SLC4A8: variants seen among roughly 807,000 people sequenced by gnomAD.
SLC4A8 encodes the protein electroneutral sodium bicarbonate exchanger 1.
In SLC4A8, 40 loss-of-function variants were observed where a neutral mutation model predicts 125.0. The observed-to-expected ratio is 0.32, with a 90% CI of 0.25 to 0.42. The LOEUF (loss-of-function observed/expected upper bound fraction) is 0.42, where lower values mean the gene tolerates loss of function less well. Among genes scored for constraint, SLC4A8 ranks in the 10% least tolerant of loss-of-function variants. The pLI, the probability that SLC4A8 is intolerant of heterozygous loss-of-function variation, is 1.00. For missense variants in SLC4A8, 863 were observed against 1,355.1 expected (o/e 0.64, Z 5.70); for synonymous variants, 456 against 476.0 (o/e 0.96, Z 0.55).
intron 16 of SLC4A8, among the ~76,000 whole-genome samples, chr12:51,483,676 T>G (rs1951088782): frequency 6.6e-6 from 1 of 152,210 alleles, no homozygotes; most frequent in Non-Finnish European, 1.5e-5. Context: ...AAGTGATATT[T>G]TGTTCTCAAA....
intron 1 of SLC4A8, among the ~76,000 whole-genome samples, chr12:51,429,906 A>T (rs1401708177): frequency 6.6e-6 from 1 of 151,834 alleles, no homozygotes; most frequent in Non-Finnish European, 1.5e-5. Flanking sequence ...TTTGGATTGG[A>T]ACTGGGGACA....
At chr12:51,420,057 C>T (rs1314564728), upstream of SLC4A8, 2 of 152,192 alleles carry the variant, frequency 1.3e-5, no homozygotes, top group East Asian at 1.9e-4. Flanking sequence ...CCTGCATAAC[C>T]TTTTCAGCTT....
At position 51,470,505 on chromosome 12, in the gene SLC4A8, G is replaced by GTA; in HGVS notation, c.1638_1639insTA (p.Ile547Ter). 1 of 1,613,570 alleles carries GTA rather than the reference G, an allele frequency of 6.2e-7. No individual in the cohort carries two copies. Among genetic ancestry groups the GTA allele is most frequent in the Non-Finnish European group, 8.5e-7 (1 of 1,179,650 alleles). On this transcript the variant is annotated frameshift_variant, in exon 13 of 25. Transcript: ENST00000453097. LOFTEE classifies it high-confidence loss of function. The stretch of plus-strand genomic sequence containing the variant: ...CTGGACCAGTGCTTGTGTTTGAAAA[G>GTA]ATTTTGTTCAAATTCTGCAAGTAAG...
chr12:51,486,012 A>C, intron 17 of SLC4A8, 112 bp downstream of exon 17: 1 of 630,080 alleles, frequency 1.6e-6, no homozygotes, highest in Non-Finnish European at 2.9e-6. Context: ...AGTCCCCTAA[A>C]TCTGAACCTT....
At chr12:51,428,689 A>G (rs1949088626) in intron 1 of SLC4A8, among the ~76,000 whole-genome samples, 1 of 152,174 alleles carries the variant, frequency 6.6e-6, no homozygotes, top group African/African-American at 2.4e-5. Flanking sequence ...GACTTGTGGA[A>G]TATACATATT....
At chr12:51,486,560 G>T (rs1951167805) in intron 17 of SLC4A8, among the ~76,000 whole-genome samples, 1 of 152,166 alleles carries the variant, frequency 6.6e-6, no homozygotes. Flanking sequence ...TTCAGTTTGG[G>T]AGCACTGACT....
rs1344681395 is a variant in SLC4A8, at chr12:51,507,576, A to G, written c.*138A>G. On this transcript the variant is annotated 3_prime_UTR_variant, in exon 25 of 25. Transcript: ENST00000453097. ...CTTGGTCATCTCAAAGCCATGCCGA[A>G]GCATTCAGTTATTCTTGGTGTGCAT... 3 of 550,534 alleles carry G rather than the reference A, an allele frequency of 5.4e-6. No individual in the cohort carries two copies. Among genetic ancestry groups the G allele is most frequent in the Non-Finnish European group, 9.2e-6 (3 of 325,678 alleles). The allele number at this position is 550,534 out of a possible 1,614,324, so 34.1% of individuals were successfully genotyped here.
intron 5 of SLC4A8, among the ~76,000 whole-genome samples, chr12:51,456,790 A>G (rs1366424226): frequency 6.6e-6 from 1 of 152,208 alleles, no homozygotes; most frequent in Admixed American, 6.5e-5. Flanking sequence ...TGGGCTTGAT[A>G]GGTTTAAATG....
intron 1 of SLC4A8, chr12:51,407,830 G>C: frequency 6.6e-6 from 1 of 152,354 alleles, no homozygotes; most frequent in East Asian, 1.9e-4. Flanking sequence ...ACCACAAACT[G>C]GGTGGCTCCA....
At chr12:51,401,186 G>C (rs1178165207) in intron 1 of SLC4A8, among the ~76,000 whole-genome samples, 2 of 152,152 alleles carry the variant, frequency 1.3e-5, no homozygotes, top group Non-Finnish European at 2.9e-5. Context: ...CCCAGTGGGC[G>C]TGTGCTACCG....
Position 51,488,260 on chromosome 12 carries a change from T to C in SLC4A8, c.2287-439T>C, listed in dbSNP as rs542765871. ...AAGTTTACTAACAAGGAGACAGGAA[T>C]TCAGCTCAAATCTGTCTCCCTGCAC... On this transcript the variant is annotated intron_variant, in intron 17 of 24. Coordinates refer to ENST00000453097, the MANE Select transcript of SLC4A8 (RefSeq NM_001039960.3). Among the ~76,000 whole-genome samples the C allele has an allele frequency of 1.1e-3, 168 of 152,326 alleles. 1 individual carries two copies. The highest frequency in any genetic ancestry group is 3.3e-3 in the South Asian group (16 of 4,832).
intron 11 of SLC4A8, among the ~76,000 whole-genome samples, chr12:51,464,669 G>A (rs1030046072): frequency 6.6e-6 from 1 of 152,214 alleles, no homozygotes; most frequent in African/African-American, 2.4e-5. Flanking sequence ...GGGCAGGACT[G>A]AGATCATGGA....
chr12:51,444,526 A>G (rs1283693527), intron 2 of SLC4A8, among the ~76,000 whole-genome samples: 2 of 152,214 alleles, frequency 1.3e-5, no homozygotes, highest in Non-Finnish European at 2.9e-5. Flanking sequence ...AGGCATCTAT[A>G]GGATGTCTTC....
chr12:51,503,168 G>C (rs1366425512), intron 22 of SLC4A8, among the ~76,000 whole-genome samples: 2 of 150,832 alleles, frequency 1.3e-5, no homozygotes, highest in African/African-American at 4.9e-5. Context: ...GCAGTGCTTT[G>C]TAGTTCTCTT....
intron 11 of SLC4A8, chr12:51,467,533 C>G (rs1252960912): frequency 6.6e-6 from 1 of 152,226 alleles, no homozygotes; most frequent in Non-Finnish European, 1.5e-5. Context: ...ATCTTCTCCC[C>G]TAGCATACAG....
At chr12:51,444,621 C>A (rs746078336) in intron 2 of SLC4A8, among the ~76,000 whole-genome samples, 4 of 152,076 alleles carry the variant, frequency 2.6e-5, no homozygotes, top group South Asian at 2.1e-4. Context: ...TTTACTAAGC[C>A]CCTTCTGTAG....
At chr12:51,410,460 CT>C (rs879520939) in intron 1 of SLC4A8, among the ~76,000 whole-genome samples, 1,509 of 144,398 alleles carry the variant, frequency 0.01, 18 homozygotes, top group African/African-American at 0.031. Flanking sequence ...AAATTAATCT[CT>C]TTTTTTTTTT....
chr12:51,429,386 G>A (rs1213200358), intron 1 of SLC4A8, among the ~76,000 whole-genome samples: 2 of 152,226 alleles, frequency 1.3e-5, no homozygotes, highest in Non-Finnish European at 2.9e-5. Flanking sequence ...GGGAAGGCAG[G>A]ATGGGAAGAG....
chr12:51,448,520 A>C (rs1411331881), intron 2 of SLC4A8, among the ~76,000 whole-genome samples: 2 of 152,200 alleles, frequency 1.3e-5, no homozygotes, highest in Non-Finnish European at 2.9e-5. Context: ...AGTGTTTAGC[A>C]CTAAAAAGGA....
Sources: gnomAD v4.1 joint callset for allele counts (sites outside exome capture counted in the v4.1 genomes callset) on GRCh38, gnomAD v4.1.1 for gene constraint, MANE v1.5 for transcripts, NCBI Gene and HGNC (gene_info 2026-07-23, HGNC 2026-07-21) for gene names.